The following GLT1D1 variants were observed in gnomAD, a reference collection of about 807,000 sequenced individuals.
The protein encoded by GLT1D1 is glycosyltransferase 1 domain-containing protein 1.
GLT1D1 carries 21 observed loss-of-function variants against 28.7 expected under a neutral mutation model. That is an observed-to-expected ratio of 0.73 (90% CI 0.52 to 1.05). The LOEUF (loss-of-function observed/expected upper bound fraction) is 1.05. Ranked by LOEUF, GLT1D1 falls within the 50% of genes least tolerant of loss-of-function variation. The probability of loss-of-function intolerance (pLI) is 0.00; values close to 1 mark genes in which losing one functional copy is unlikely to be tolerated. For synonymous variants in GLT1D1, 147 were observed against 124.8 expected, an observed-to-expected ratio of 1.18 and a Z score of -1.19; for missense variants, 343 against 330.6, an observed-to-expected ratio of 1.04 and a Z score of -0.29.
At chr12:128,966,276 C>T (rs1878450325) in intron 7 of GLT1D1, among the ~76,000 whole-genome samples, 1 of 152,194 alleles carries the variant, frequency 6.6e-6, no homozygotes, top group African/African-American at 2.4e-5. Context: ...CTGAAATGCC[C>T]CAGGGGTGGC....
chr12:128,949,997 G>A (rs1313996728), intron 6 of GLT1D1, among the ~76,000 whole-genome samples: 1 of 152,172 alleles, frequency 6.6e-6, no homozygotes, highest in Non-Finnish European at 1.5e-5. Flanking sequence ...GGGATGTGAA[G>A]GCATTCAAAG....
At chr12:128,950,171 C>A (rs746533283) in intron 6 of GLT1D1, among the ~76,000 whole-genome samples, 2 of 152,100 alleles carry the variant, frequency 1.3e-5, no homozygotes, top group Non-Finnish European at 2.9e-5. Context: ...ATGCTACTGG[C>A]ATGTATTTGG....
intron 2 of GLT1D1, among the ~76,000 whole-genome samples, chr12:128,879,375 T>TCC (rs1956952045): frequency 9.5e-6 from 1 of 105,392 alleles, no homozygotes; most frequent in Non-Finnish European, 1.9e-5. Flanking sequence ...ATTATTTTTT[T>TCC]CTTTTTCTTT....
Position 128,934,196 on chromosome 12 carries a change from GTCT to G in GLT1D1, c.376-11128_376-11126del, listed in dbSNP as rs1200060022. Among the ~76,000 whole-genome samples the G allele has an allele frequency of 4.4e-4, 56 of 128,688 alleles. 3 individuals carry two copies. Among genetic ancestry groups the G allele is most frequent in the Admixed American group, 5.9e-4 (7 of 11,938 alleles). 84.4% of individuals were successfully genotyped at this position (128,688 alleles called of 152,430 possible). ...GACTTACTGTGTCTTCAAAGAGACA[GTCT>G]TTTTTTTTTTTTTTTTTTTTTTTAG... On this transcript the variant is annotated intron_variant, in intron 4 of 7. Transcript: ENST00000281703.
chr12:128,929,152 G>A (rs1157185649), intron 4 of GLT1D1, among the ~76,000 whole-genome samples: 2 of 152,186 alleles, frequency 1.3e-5, no homozygotes, highest in African/African-American at 2.4e-5. Context: ...AGCAGGCCTC[G>A]CAGACACCCA....
At chr12:128,933,118 CCT>C (rs1408063978) in intron 4 of GLT1D1, among the ~76,000 whole-genome samples, 1 of 151,466 alleles carries the variant, frequency 6.6e-6, no homozygotes, top group Non-Finnish European at 1.5e-5. Context: ...GGAAACCACT[CCT>C]CTCCGGGAGA....
At chr12:128,854,358 A>G (rs1285587807) in intron 1 of GLT1D1, among the ~76,000 whole-genome samples, 1 of 149,640 alleles carries the variant, frequency 6.7e-6, no homozygotes, top group Non-Finnish European at 1.5e-5. Flanking sequence ...GAAGCCTGGG[A>G]AGTGCCAGGA....
intron 2 of GLT1D1, among the ~76,000 whole-genome samples, chr12:128,883,589 C>CAAAAAA (rs202021879): frequency 1.3e-5 from 1 of 77,988 alleles, no homozygotes; most frequent in African/African-American, 4.3e-5. Flanking sequence ...GACTCCATCT[C>CAAAAAA]AAAAAAAAAA....
At chr12:128,874,606 C>G (rs866752398) in intron 1 of GLT1D1, among the ~76,000 whole-genome samples, 1 of 151,660 alleles carries the variant, frequency 6.6e-6, no homozygotes, top group Non-Finnish European at 1.5e-5. Context: ...CTCAGTCTCC[C>G]AAGTAGCTAG....
At chr12:128,868,850 G>A (rs73438329) in intron 1 of GLT1D1, among the ~76,000 whole-genome samples, 9 of 152,096 alleles carry the variant, frequency 5.9e-5, no homozygotes, top group African/African-American at 2.2e-4. Context: ...GTCTAAACAT[G>A]ATTTTGATCT....
At chr12:128,931,309 A>AT (rs564088151) in intron 4 of GLT1D1, among the ~76,000 whole-genome samples, 15,859 of 108,802 alleles carry the variant, frequency 0.15, 1,112 homozygotes, top group African/African-American at 0.21. Flanking sequence ...CCACTTTTTA[A>AT]TTTTTTTTTT....
intron 5 of GLT1D1, 76 bp downstream of exon 9, chr12:128,945,445 TA>T (rs1875946447): frequency 8.7e-7 from 1 of 1,145,060 alleles, no homozygotes; most frequent in African/African-American, 1.5e-5. Flanking sequence ...AACTCACATT[TA>T]TCCAGTCCCA....
chr12:128,877,463 G>T (rs1376365021), intron 2 of GLT1D1, among the ~76,000 whole-genome samples: 2 of 152,016 alleles, frequency 1.3e-5, no homozygotes, highest in Non-Finnish European at 2.9e-5. Flanking sequence ...TCTTTTTCCT[G>T]CCTCCTGTTC....
intron 7 of GLT1D1, among the ~76,000 whole-genome samples, chr12:128,959,432 GTGGCAGC>G (rs1555219996): frequency 3.5e-4 from 33 of 95,434 alleles, no homozygotes; most frequent in South Asian, 9.4e-4. Flanking sequence ...GGGTGGGGAG[GTGGCAGC>G]GGGGTGGGGA....
Position 128,908,914 on chromosome 12 carries a change from A to T in GLT1D1, c.375+9627A>T, listed in dbSNP as rs552908401. Among the ~76,000 whole-genome samples, 32 of 152,186 alleles carry T rather than the reference A, an allele frequency of 2.1e-4. No individual in the cohort carries two copies. In the South Asian group the frequency reaches 5.8e-3, roughly 28 times the overall value. On this transcript the variant is annotated intron_variant, in intron 4 of 7. Transcript: ENST00000281703. Reference sequence around the variant, plus strand: ...CAGTGAGCCGAGATCGCGCCCCTGCACTCCAGCCTGGGCGACAGAGCGAGA... The same window carrying T: ...CAGTGAGCCGAGATCGCGCCCCTGCTCTCCAGCCTGGGCGACAGAGCGAGA...
intron 7 of GLT1D1, among the ~76,000 whole-genome samples, chr12:128,976,099 T>G (rs1879739140): frequency 6.6e-6 from 1 of 152,216 alleles, no homozygotes; most frequent in African/African-American, 2.4e-5. Flanking sequence ...AGTACCACAG[T>G]CAGATGCACG....
chr12:128,894,972 A>G (rs531213595), intron 3 of GLT1D1, among the ~76,000 whole-genome samples: 33 of 151,898 alleles, frequency 2.2e-4, no homozygotes, highest in Middle Eastern at 3.4e-3. Context: ...CGGTTGCTCA[A>G]ATTGCCCCAG....
chr12:128,864,312 A>T (rs1956461774), intron 1 of GLT1D1: 1 of 423,832 alleles, frequency 2.4e-6, no homozygotes, highest in Non-Finnish European at 4.2e-6. Context: ...CTGGGATATA[A>T]CATGATCAGA....
chr12:128,937,600 T>G (rs1365826497), intron 4 of GLT1D1, among the ~76,000 whole-genome samples: 2 of 152,100 alleles, frequency 1.3e-5, no homozygotes, highest in Non-Finnish European at 2.9e-5. Context: ...GGGACACAGA[T>G]AGACACTGAT....
Sources: allele counts gnomAD v4.1 joint callset (sites outside exome capture counted in the v4.1 genomes callset), GRCh38; gene constraint gnomAD v4.1.1; transcripts MANE v1.5; gene names NCBI Gene and HGNC (gene_info 2026-07-23, HGNC 2026-07-21).